The following EPC2 variants were observed in gnomAD, a reference collection of about 807,000 sequenced individuals.
The protein encoded by EPC2 is enhancer of polycomb 2, also known as enhancer of polycomb homolog 2.
Under a neutral mutation model 92.1 loss-of-function variants are expected in EPC2, and 14 were observed. The observed-to-expected ratio is 0.15, with a 90% CI of 0.10 to 0.24. The LOEUF (loss-of-function observed/expected upper bound fraction) is 0.24. Ranked by LOEUF, EPC2 falls within the 10% of genes least tolerant of loss-of-function variation. The pLI, the probability that EPC2 is intolerant of heterozygous loss-of-function variation, is 1.00. For synonymous variants in EPC2, 340 were observed against 334.7 expected, an observed-to-expected ratio of 1.02 and a Z score of -0.17; for missense variants, 755 against 971.5, an observed-to-expected ratio of 0.78 and a Z score of 2.96.
At chr2:148,741,079 G>A (rs1682872536) in intron 2 of EPC2, among the ~76,000 whole-genome samples, 1 of 152,076 alleles carries the variant, frequency 6.6e-6, no homozygotes. Flanking sequence ...AGAGAAAAAT[G>A]CATTTTATTC....
intron 2 of EPC2, among the ~76,000 whole-genome samples, chr2:148,712,243 G>A (rs1308108439): frequency 6.6e-6 from 1 of 150,812 alleles, no homozygotes; most frequent in Admixed American, 6.6e-5. Context: ...GTGTGTGTGG[G>A]GGTGTGTGTG....
chr2:148,771,438 T>G lies in EPC2; in HGVS notation c.1720+51T>G. The G allele has an allele frequency of 2.1e-6, 3 of 1,448,952 alleles. No individual in the cohort carries two copies. In the South Asian group the frequency reaches 4.1e-5, roughly 20 times the overall value. The allele number at this position is 1,448,952 out of a possible 1,614,324, so 89.8% of individuals were successfully genotyped here. A position where few individuals can be genotyped will look rare whatever the true frequency, so the allele number is the denominator to read the frequency against. ...TATCCTGCTATTCTTTTTTACTTAA[T>G]TTTATTGGGAAAGGAATTTTATCTT... On this transcript the variant is annotated intron_variant, in intron 10 of 13. Transcript: ENST00000258484.
intron 1 of EPC2, among the ~76,000 whole-genome samples, chr2:148,688,698 G>A (rs1452662716): frequency 6.6e-6 from 1 of 152,098 alleles, no homozygotes; most frequent in African/African-American, 2.4e-5. Context: ...TTCTTTATAT[G>A]CATTTTGCAT....
chr2:148,660,537 A>G (rs182892347), intron 1 of EPC2, among the ~76,000 whole-genome samples: 1 of 151,410 alleles, frequency 6.6e-6, no homozygotes, highest in African/African-American at 2.4e-5. Context: ...TAATCTATTC[A>G]GTTCCATATT....
chr2:148,697,908 G>A (rs1008180573), intron 2 of EPC2, among the ~76,000 whole-genome samples: 1 of 152,100 alleles, frequency 6.6e-6, no homozygotes, highest in African/African-American at 2.4e-5. Context: ...ATTGGGAAAG[G>A]GTGTGTGGCA....
At chr2:148,676,848 A>G (rs983988932) in intron 1 of EPC2, among the ~76,000 whole-genome samples, 63 of 127,050 alleles carry the variant, frequency 5.0e-4, no homozygotes, top group African/African-American at 1.7e-3. Context: ...CCATTTTTAT[A>G]TAGCCATTAT....
chr2:148,749,736 TC>T (rs1472904118), intron 3 of EPC2, among the ~76,000 whole-genome samples: 1 of 152,250 alleles, frequency 6.6e-6, no homozygotes, highest in African/African-American at 2.4e-5. Context: ...TTGGTCTAGA[TC>T]TTTTGAAGCA....
chr2:148,757,684 A>G (rs982161968), intron 4 of EPC2, among the ~76,000 whole-genome samples: 1 of 151,904 alleles, frequency 6.6e-6, no homozygotes, highest in Non-Finnish European at 1.5e-5. Flanking sequence ...CTAAAAATAC[A>G]AAATTAGCTG....
chr2:148,728,394 A>G (rs1351964279), intron 2 of EPC2, among the ~76,000 whole-genome samples: 1 of 150,178 alleles, frequency 6.7e-6, no homozygotes, highest in Non-Finnish European at 1.5e-5. Flanking sequence ...TTTTTTAATC[A>G]CTGCATAATA....
At chr2:148,757,950 G>A (rs1683223145) in intron 4 of EPC2, among the ~76,000 whole-genome samples, 1 of 152,068 alleles carries the variant, frequency 6.6e-6, no homozygotes, top group Admixed American at 6.6e-5. Context: ...CAGGTGTAGG[G>A]CTGGAATACA....
intron 2 of EPC2, among the ~76,000 whole-genome samples, chr2:148,702,434 C>A (rs900095028): frequency 5.3e-5 from 8 of 152,152 alleles, no homozygotes; most frequent in African/African-American, 1.9e-4. Context: ...GTAACCCCTG[C>A]TGTGATTCTC....
intron 1 of EPC2, among the ~76,000 whole-genome samples, chr2:148,678,502 G>T (rs925101146): frequency 1.8e-4 from 28 of 152,394 alleles, no homozygotes; most frequent in African/African-American, 6.7e-4. Context: ...TGGAGGGAGT[G>T]GGAGGCTTAG....
At chr2:148,728,655 A>T (rs979383207) in intron 2 of EPC2, among the ~76,000 whole-genome samples, 2 of 149,288 alleles carry the variant, frequency 1.3e-5, no homozygotes, top group Non-Finnish European at 3.0e-5. Flanking sequence ...ACTTGAGCCT[A>T]AGAGGTCAAG....
At chr2:148,775,650 T>TTTAAATAAAATTAAATTTAATTTAA (rs1553450986) in intron 10 of EPC2, among the ~76,000 whole-genome samples, 80 of 42,754 alleles carry the variant, frequency 1.9e-3, no homozygotes, top group Admixed American at 6.7e-3. Context: ...AAATAAAATC[T>TTTAAATAAAATTAAATTTAATTTAA]TTAAATAAAA....
chr2:148,737,209 A>T lies in EPC2; in HGVS notation c.314-6413A>T, dbSNP rs116134582. On this transcript the variant is annotated intron_variant, in intron 2 of 13. Coordinates refer to ENST00000258484, the MANE Select transcript of EPC2 (RefSeq NM_015630.4). ...ATGTACAGTCACTTTACAGTATCTT[A>T]AAGGCACTTTCAGTAGAACCCAAGT... Among the ~76,000 whole-genome samples the T allele has an allele frequency of 7.2e-3, 1,091 of 152,344 alleles. 6 individuals carry two copies. The highest frequency in any genetic ancestry group is 0.025 in the African/African-American group (1,025 of 41,576).
rs369701274 is a variant in EPC2 at position 148,774,353 on chromosome 2, G to A, written c.1720+2966G>A. Among the ~76,000 whole-genome samples the A allele has an allele frequency of 5.9e-5, 9 of 152,242 alleles. No individual in the cohort carries two copies. In the South Asian group the frequency reaches 8.3e-4, roughly 14 times the overall value. On this transcript the variant is annotated intron_variant, in intron 10 of 13. Coordinates refer to ENST00000258484, the MANE Select transcript of EPC2 (RefSeq NM_015630.4). ...GTCCAAAATATATTCTAGGCCGGGC[G>A]TGGTGGCTCACGCCTGTAATCCCAG...
chr2:148,655,695 G>A (rs1013310988), intron 1 of EPC2, among the ~76,000 whole-genome samples: 1 of 152,034 alleles, frequency 6.6e-6, no homozygotes, highest in East Asian at 1.9e-4. Flanking sequence ...GGGAACCTAC[G>A]ACCTGAGGTT....
intron 10 of EPC2, among the ~76,000 whole-genome samples, chr2:148,773,942 T>G (rs1683573910): frequency 6.6e-6 from 1 of 152,130 alleles, no homozygotes; most frequent in Admixed American, 6.5e-5. Context: ...TTCTAATCCA[T>G]GCGTCTTGAA....
intron 2 of EPC2, among the ~76,000 whole-genome samples, chr2:148,742,597 A>G (rs1682898878): frequency 6.6e-6 from 1 of 152,108 alleles, no homozygotes; most frequent in Non-Finnish European, 1.5e-5. Flanking sequence ...CCTGGGCAAC[A>G]TGGGGAAACC....
Sources: gnomAD v4.1 joint callset for allele counts (sites outside exome capture counted in the v4.1 genomes callset) on GRCh38, gnomAD v4.1.1 for gene constraint, MANE v1.5 for transcripts, NCBI Gene and HGNC (gene_info 2026-07-23, HGNC 2026-07-21) for gene names.